Variants in CACNA2D1 observed in about 807,000 individuals in gnomAD.
The protein encoded by CACNA2D1 is calcium voltage-gated channel auxiliary subunit alpha2delta 1.
In CACNA2D1, 53 loss-of-function variants were observed where a neutral mutation model predicts 171.5. The observed-to-expected ratio is 0.31, with a 90% CI of 0.25 to 0.39. The LOEUF (loss-of-function observed/expected upper bound fraction) is 0.39. CACNA2D1 is among the 10% of genes least tolerant of loss of function. CACNA2D1 has a pLI of 1.00. For missense variants in CACNA2D1, 903 were observed against 1,299.8 expected, an observed-to-expected ratio of 0.69 and a Z score of 4.69; for synonymous variants, 442 against 443.1, an observed-to-expected ratio of 1.00 and a Z score of 0.03.
At chr7:82,215,309 A>G (rs1800985532) in intron 3 of CACNA2D1, among the ~76,000 whole-genome samples, 1 of 152,022 alleles carries the variant, frequency 6.6e-6, no homozygotes, top group Non-Finnish European at 1.5e-5. Context: ...TTGAAGCTGA[A>G]CTCCCATCCC....
At chr7:82,241,614 A>G (rs1245728047) in intron 3 of CACNA2D1, among the ~76,000 whole-genome samples, 1 of 151,912 alleles carries the variant, frequency 6.6e-6, no homozygotes, top group Non-Finnish European at 1.5e-5. Flanking sequence ...CTAATCTCCT[A>G]ATTATTCTAG....
At position 82,212,227 on chromosome 7, in the gene CACNA2D1, G is replaced by T. The variant is rs574463959; in HGVS notation, c.295-41618C>A. Among the ~76,000 whole-genome samples the T allele has an allele frequency of 2.6e-5, 4 of 152,220 alleles. No individual in the cohort carries two copies. The South Asian group carries it at 8.3e-4, about 32-fold the overall frequency. On this transcript the variant is annotated intron_variant, in intron 3 of 38. Coordinates refer to ENST00000356860, the MANE Select transcript of CACNA2D1 (RefSeq NM_000722.4). ...AAGAATAATCAAGGGGCCCAATAAA[G>T]GTTGCCAGATCTAGCAATTAAAAAT... is the stretch of plus-strand genomic sequence containing the variant.
chr7:81,955,028 T>G (rs1793058575), intron 38 of CACNA2D1, among the ~76,000 whole-genome samples: 1 of 152,162 alleles, frequency 6.6e-6, no homozygotes, highest in Admixed American at 6.6e-5. Context: ...TGGGTTTGCA[T>G]AAAATAATAA....
intron 1 of CACNA2D1, among the ~76,000 whole-genome samples, chr7:82,434,966 A>G (rs895489058): frequency 6.6e-6 from 1 of 152,052 alleles, no homozygotes; most frequent in Non-Finnish European, 1.5e-5. Flanking sequence ...ATAAATGAAA[A>G]AAATCCTTCT....
intron 1 of CACNA2D1, among the ~76,000 whole-genome samples, chr7:82,357,343 G>T (rs538694287): frequency 1.1e-4 from 16 of 152,232 alleles, no homozygotes; most frequent in Non-Finnish European, 2.1e-4. Context: ...TACACTTTGT[G>T]TAATCTACTG....
At chr7:81,981,602 T>A (rs1307253762) in intron 24 of CACNA2D1, among the ~76,000 whole-genome samples, 1 of 152,226 alleles carries the variant, frequency 6.6e-6, no homozygotes, top group Non-Finnish European at 1.5e-5. Flanking sequence ...CAAGCTTCTA[T>A]GTAAATTGTT....
chr7:82,158,324 T>C (rs1794581357), intron 4 of CACNA2D1, among the ~76,000 whole-genome samples: 1 of 151,904 alleles, frequency 6.6e-6, no homozygotes, highest in South Asian at 2.1e-4. Context: ...TTTAAAATTA[T>C]GTTCCAATAG....
intron 3 of CACNA2D1, among the ~76,000 whole-genome samples, chr7:82,264,384 C>T (rs1372842152): frequency 6.6e-6 from 1 of 152,036 alleles, no homozygotes; most frequent in Non-Finnish European, 1.5e-5. Flanking sequence ...TATAGATACT[C>T]ACTTATGTTT....
At chr7:82,108,784 T>A (rs890787267) in intron 6 of CACNA2D1, among the ~76,000 whole-genome samples, 1 of 152,168 alleles carries the variant, frequency 6.6e-6, no homozygotes, top group African/African-American at 2.4e-5. Flanking sequence ...ACCTCAGAAG[T>A]AGAATTGTTT....
chr7:82,134,903 G>T (rs915905381), intron 5 of CACNA2D1, among the ~76,000 whole-genome samples: 2 of 152,058 alleles, frequency 1.3e-5, no homozygotes, highest in Admixed American at 6.5e-5. Context: ...CAACTTTGAA[G>T]CATTGATTGA....
intron 3 of CACNA2D1, among the ~76,000 whole-genome samples, chr7:82,282,062 C>T (rs1206789986): frequency 2.0e-5 from 3 of 151,968 alleles, no homozygotes; most frequent in Non-Finnish European, 4.4e-5. Flanking sequence ...TTTGGGAGGC[C>T]GAGGTGGGTG....
rs1809596351 is a variant in CACNA2D1 at position 82,080,339 on chromosome 7, CA to C, written c.658+4429del. ...TAGCTCTGTGGCAAGTATTCACTTACAAAAATAAAAATAGGTAGCTTACAGA... is the reference window on the plus strand; with the variant it reads ...TAGCTCTGTGGCAAGTATTCACTTACAAAATAAAAATAGGTAGCTTACAGA... On this transcript the variant is annotated intron_variant, in intron 7 of 38. Coordinates refer to ENST00000356860, the MANE Select transcript of CACNA2D1 (RefSeq NM_000722.4). 2.0e-5 allele frequency among the ~76,000 whole-genome samples: 3 copies of C among 151,796 alleles called. 1 individual carries two copies. The South Asian group carries it at 6.2e-4, about 32-fold the overall frequency.
At chr7:82,306,750 T>C (rs549350045) in intron 3 of CACNA2D1, among the ~76,000 whole-genome samples, 1 of 152,292 alleles carries the variant, frequency 6.6e-6, no homozygotes, top group South Asian at 2.1e-4. Context: ...TCTCTGGGAC[T>C]TTCCAAGTAA....
intron 3 of CACNA2D1, among the ~76,000 whole-genome samples, chr7:82,296,629 A>G (rs902282390): frequency 1.3e-5 from 2 of 152,172 alleles, no homozygotes; most frequent in Middle Eastern, 3.2e-3. Flanking sequence ...ATGCAGCTAT[A>G]GCATTCCCTG....
At chr7:82,392,218 G>A (rs1458898895) in intron 1 of CACNA2D1, among the ~76,000 whole-genome samples, 4 of 152,020 alleles carry the variant, frequency 2.6e-5, no homozygotes, top group Admixed American at 2.6e-4. Flanking sequence ...TGATGCCTTT[G>A]TTTTAGCCTC....
intron 12 of CACNA2D1, among the ~76,000 whole-genome samples, chr7:82,021,508 A>G (rs1241389189): frequency 2.0e-5 from 3 of 152,044 alleles, no homozygotes; most frequent in Non-Finnish European, 4.4e-5. Context: ...ACATTTATGA[A>G]TTTTGTATAG....
intron 1 of CACNA2D1, among the ~76,000 whole-genome samples, chr7:82,402,329 C>T (rs775027428): frequency 2.0e-5 from 3 of 152,144 alleles, no homozygotes; most frequent in Non-Finnish European, 2.9e-5. Flanking sequence ...TATTAACCCT[C>T]ACAATAAATC....
intron 18 of CACNA2D1, among the ~76,000 whole-genome samples, chr7:81,999,656 T>C (rs1798390038): frequency 6.6e-6 from 1 of 152,192 alleles, no homozygotes; most frequent in South Asian, 2.1e-4. Context: ...ATTTTTTAAT[T>C]ATATTGTTAA....
In CACNA2D1 at chr7:81,995,804, A is replaced by ATAAAT. The variant is rs1238143214; in HGVS notation, c.1663-866_1663-865insATTTA. On this transcript the variant is annotated intron_variant, in intron 19 of 38. Transcript: ENST00000356860. ...ACAGAGCGAGACTCCACCTCAAAAA[A>ATAAAT]AAAAAAAAAAAAAAGTGCAAGGTTA... is the stretch of plus-strand genomic sequence containing the variant. Among the ~76,000 whole-genome samples the ATAAAT allele has an allele frequency of 1.4e-4, 21 of 151,854 alleles. No individual in the cohort carries two copies. The East Asian group carries it at 3.9e-3, about 28-fold the overall frequency.
Sources: allele counts gnomAD v4.1 joint callset (sites outside exome capture counted in the v4.1 genomes callset), GRCh38; gene constraint gnomAD v4.1.1; transcripts MANE v1.5; gene names NCBI Gene and HGNC (gene_info 2026-07-23, HGNC 2026-07-21).